The following RBFOX1 variants were observed in gnomAD, a reference collection of about 807,000 sequenced individuals.
RBFOX1 encodes the protein RNA binding protein fox-1 homolog 1.
Under a neutral mutation model 57.7 loss-of-function variants are expected in RBFOX1, and 8 were observed. The observed-to-expected ratio is 0.14, with a 90% confidence interval of 0.08 to 0.25. The LOEUF (loss-of-function observed/expected upper bound fraction) is 0.25. Among genes scored for constraint, RBFOX1 ranks in the 10% least tolerant of loss-of-function variants. The pLI is 1.00. For missense variants in RBFOX1, 611 were observed against 548.5 expected (o/e 1.11, Z -1.14); for synonymous variants, 326 against 222.4 (o/e 1.47, Z -4.15).
At chr16:6,924,580 T>C (rs933662256) in intron 3 of RBFOX1, among the ~76,000 whole-genome samples, 1 of 152,084 alleles carries the variant, frequency 6.6e-6, no homozygotes, top group Non-Finnish European at 1.5e-5. Flanking sequence ...CCAAACTGTA[T>C]CACCGAGCCT....
chr16:7,187,113 G>A lies in RBFOX1; in HGVS notation c.27+135015G>A, dbSNP rs556525840. Among the ~76,000 whole-genome samples the A allele has an allele frequency of 4.6e-5, 7 of 151,936 alleles. No homozygotes were observed. In the South Asian group the frequency reaches 1.5e-3, roughly 32 times the overall value. On this transcript the variant is annotated intron_variant, in intron 4 of 15. Transcript: ENST00000550418. ...AGCCTCATGAGGTCAGGGCTGCAGT[G>A]AGCCATGATGGTGCCACTGCACTCC...
intron 2 of RBFOX1, among the ~76,000 whole-genome samples, chr16:6,385,055 G>C (rs575492591): frequency 6.6e-6 from 1 of 152,256 alleles, no homozygotes; most frequent in South Asian, 2.1e-4. Flanking sequence ...CCTCATTAAA[G>C]TTTGGTCTTC....
intron 4 of RBFOX1, among the ~76,000 whole-genome samples, chr16:5,986,179 T>C (rs552893971): frequency 6.6e-6 from 1 of 152,134 alleles, no homozygotes; most frequent in Non-Finnish European, 1.5e-5. Flanking sequence ...TTCTCCTGCC[T>C]CAGCCTCCCA....
At chr16:5,438,864 G>A (rs184545148) in intron 1 of RBFOX1, among the ~76,000 whole-genome samples, 148 of 152,242 alleles carry the variant, frequency 9.7e-4, no homozygotes, top group African/African-American at 3.5e-3. Context: ...GAGTCGAGTA[G>A]GAGGTGATCA....
intron 1 of RBFOX1, among the ~76,000 whole-genome samples, chr16:5,318,457 C>G (rs1041577997): frequency 6.6e-6 from 1 of 152,138 alleles, no homozygotes; most frequent in Admixed American, 6.5e-5. Flanking sequence ...CCAGCCGTTA[C>G]CCATGAATTT....
intron 2 of RBFOX1, among the ~76,000 whole-genome samples, chr16:6,526,936 A>G (rs1313147280): frequency 4.0e-5 from 6 of 151,734 alleles, no homozygotes. Flanking sequence ...ATAATCACAG[A>G]GAGATTAAAT....
At chr16:6,989,885 C>T (rs1164703015) in intron 3 of RBFOX1, among the ~76,000 whole-genome samples, 12 of 151,994 alleles carry the variant, frequency 7.9e-5, no homozygotes, top group Non-Finnish European at 4.4e-5. Flanking sequence ...CGTATAATCC[C>T]AGCTACTCGG....
intron 3 of RBFOX1, among the ~76,000 whole-genome samples, chr16:6,892,773 TCCC>T (rs1567747504): frequency 0.029 from 1,849 of 63,200 alleles, 25 homozygotes; most frequent in Non-Finnish European, 0.044. Context: ...CCTCCCTGTC[TCCC>T]TCTCTCTCTC....
intron 3 of RBFOX1, among the ~76,000 whole-genome samples, chr16:6,987,224 C>T (rs767024878): frequency 1.2e-4 from 19 of 152,066 alleles, no homozygotes; most frequent in Non-Finnish European, 2.2e-4. Context: ...AGAATGAAAA[C>T]TTTGGCCCTG....
At chr16:7,583,823 T>TC (rs200387492) in intron 6 of RBFOX1, among the ~76,000 whole-genome samples, 1,523 of 151,902 alleles carry the variant, frequency 0.01, 19 homozygotes, top group African/African-American at 0.034. Context: ...TCTACAACAA[T>TC]AAAATCAAAA....
chr16:7,268,360 G>A (rs1473199682), intron 4 of RBFOX1, among the ~76,000 whole-genome samples: 1 of 152,186 alleles, frequency 6.6e-6, no homozygotes, highest in Non-Finnish European at 1.5e-5. Flanking sequence ...TGCTGAAGAA[G>A]TCCAGGCAGC....
chr16:5,644,833 T>C (rs1033326569), intron 3 of RBFOX1, among the ~76,000 whole-genome samples: 2 of 152,220 alleles, frequency 1.3e-5, no homozygotes, highest in African/African-American at 4.8e-5. Context: ...CAATTGTGAA[T>C]AATGCCGCCA....
At chr16:6,539,806 G>GACACACACACACACACACACAC (rs35407844) in intron 2 of RBFOX1, among the ~76,000 whole-genome samples, 9,240 of 136,084 alleles carry the variant, frequency 0.068, 652 homozygotes, top group Non-Finnish European at 0.094. Flanking sequence ...TCAAAACACA[G>GACACACACACACACACACACAC]ACACACACAC....
chr16:6,426,650 C>T (rs1051685398), intron 2 of RBFOX1, among the ~76,000 whole-genome samples: 6 of 152,138 alleles, frequency 3.9e-5, no homozygotes, highest in African/African-American at 1.4e-4. Flanking sequence ...AACAAACCTA[C>T]TCCTTCTCAC....
At chr16:6,818,232 C>G (rs2090528208) in intron 3 of RBFOX1, among the ~76,000 whole-genome samples, 1 of 152,008 alleles carries the variant, frequency 6.6e-6, no homozygotes. Flanking sequence ...TGTTAGCAGA[C>G]ATGATACAAG....
At chr16:5,896,417 A>G (rs1248179254) in intron 4 of RBFOX1, among the ~76,000 whole-genome samples, 2 of 151,902 alleles carry the variant, frequency 1.3e-5, no homozygotes, top group East Asian at 3.9e-4. Flanking sequence ...TGATTGCTAA[A>G]AAAACCTGGC....
intron 4 of RBFOX1, among the ~76,000 whole-genome samples, chr16:7,114,295 C>A (rs2065415181): frequency 6.6e-6 from 1 of 152,058 alleles, no homozygotes; most frequent in Admixed American, 6.6e-5. Context: ...TATATTCAAA[C>A]TGCAATGAAA....
intron 3 of RBFOX1, among the ~76,000 whole-genome samples, chr16:6,846,027 C>T (rs1319042030): frequency 6.6e-6 from 1 of 152,180 alleles, no homozygotes; most frequent in Non-Finnish European, 1.5e-5. Flanking sequence ...TGCTTCAGGC[C>T]ATATTTCTGT....
At chr16:7,023,786 G>A (rs1044089522) in intron 3 of RBFOX1, among the ~76,000 whole-genome samples, 3 of 151,726 alleles carry the variant, frequency 2.0e-5, no homozygotes, top group Non-Finnish European at 2.9e-5. Flanking sequence ...ATACAGCCTC[G>A]GCATCCTTCT....
Sources: gnomAD v4.1 joint callset for allele counts (sites outside exome capture counted in the v4.1 genomes callset) on GRCh38, gnomAD v4.1.1 for gene constraint, MANE v1.5 for transcripts, NCBI Gene and HGNC (gene_info 2026-07-23, HGNC 2026-07-21) for gene names.